CCDC60: variants seen among roughly 807,000 people sequenced by gnomAD.
The protein encoded by CCDC60 is coiled-coil domain-containing protein 60.
CCDC60 carries 54 observed loss-of-function variants against 63.5 expected under a neutral mutation model. The ratio of observed to expected loss-of-function variants is 0.85; its 90% CI spans 0.68 to 1.07. CCDC60 has a LOEUF of 1.07. Among genes scored for constraint, CCDC60 ranks in the 50% least tolerant of loss-of-function variants. CCDC60 has a pLI of 0.00. For missense variants in CCDC60, 651 were observed against 684.3 expected (o/e 0.95, Z 0.54); for synonymous variants, 206 against 238.8 (o/e 0.86, Z 1.27).
intron 11 of CCDC60, among the ~76,000 whole-genome samples, chr12:119,525,615 C>T (rs1353610799): frequency 1.3e-5 from 2 of 152,158 alleles, no homozygotes; most frequent in East Asian, 1.9e-4. Context: ...TTAATCACCA[C>T]CAAACTTGCC....
At chr12:119,348,355 C>G (rs547974397) in intron 1 of CCDC60, among the ~76,000 whole-genome samples, 2 of 152,274 alleles carry the variant, frequency 1.3e-5, no homozygotes, top group South Asian at 4.2e-4. Flanking sequence ...TCACTTCCTG[C>G]CCCAACCAAC....
At chr12:119,339,059 A>T (rs1455331366) in intron 1 of CCDC60, among the ~76,000 whole-genome samples, 2 of 152,152 alleles carry the variant, frequency 1.3e-5, no homozygotes, top group Non-Finnish European at 1.5e-5. Flanking sequence ...TCTGTTTGAA[A>T]GTCTTTTGTT....
intron 1 of CCDC60, among the ~76,000 whole-genome samples, chr12:119,352,064 A>G (rs548679057): frequency 6.6e-6 from 1 of 152,334 alleles, no homozygotes; most frequent in African/African-American, 2.4e-5. Flanking sequence ...GCCTCAGGAA[A>G]CTTACAATCA....
intron 2 of CCDC60, among the ~76,000 whole-genome samples, chr12:119,468,247 G>A (rs1593130926): frequency 1.3e-5 from 2 of 152,036 alleles, no homozygotes; most frequent in South Asian, 2.1e-4. Flanking sequence ...AGCCGAGATC[G>A]CACCACTACA....
At chr12:119,348,595 C>A (rs1044066051) in intron 1 of CCDC60, among the ~76,000 whole-genome samples, 1 of 152,162 alleles carries the variant, frequency 6.6e-6, no homozygotes, top group African/African-American at 2.4e-5. Context: ...AAAGCTCTCA[C>A]CTGTAATAGA....
intron 1 of CCDC60, among the ~76,000 whole-genome samples, chr12:119,416,816 G>A (rs1430302304): frequency 6.6e-6 from 1 of 152,092 alleles, no homozygotes; most frequent in Non-Finnish European, 1.5e-5. Context: ...GATTTAGAAT[G>A]GAGTCTTTAT....
intron 3 of CCDC60, among the ~76,000 whole-genome samples, chr12:119,476,560 GCAT>G (rs1173287816): frequency 6.6e-6 from 1 of 152,112 alleles, no homozygotes; most frequent in Non-Finnish European, 1.5e-5. Flanking sequence ...GTGTGTCCCA[GCAT>G]CATCTCCACT....
intron 5 of CCDC60, among the ~76,000 whole-genome samples, chr12:119,493,661 A>C (rs1225251686): frequency 2.0e-5 from 3 of 152,236 alleles, no homozygotes; most frequent in Non-Finnish European, 4.4e-5. Flanking sequence ...TGACAAGATG[A>C]TCGGGTCCAC....
At chr12:119,430,858 G>A (rs373170579) in intron 2 of CCDC60, among the ~76,000 whole-genome samples, 6 of 152,082 alleles carry the variant, frequency 3.9e-5, no homozygotes, top group East Asian at 3.9e-4. Context: ...CTGTTAGGGC[G>A]GCTCCAGCAG....
intron 2 of CCDC60, among the ~76,000 whole-genome samples, chr12:119,466,444 G>T (rs1950955220): frequency 6.6e-6 from 1 of 152,144 alleles, no homozygotes; most frequent in African/African-American, 2.4e-5. Context: ...AGTTATTTAG[G>T]CAAACACACA....
intron 1 of CCDC60, among the ~76,000 whole-genome samples, chr12:119,352,045 G>A (rs987585640): frequency 6.6e-6 from 1 of 152,172 alleles, no homozygotes; most frequent in Non-Finnish European, 1.5e-5. Context: ...AGGAAGCACA[G>A]TTGGGGAGGC....
At chr12:119,501,238 A>C (rs1409568991) in intron 6 of CCDC60, among the ~76,000 whole-genome samples, 1 of 152,224 alleles carries the variant, frequency 6.6e-6, no homozygotes, top group Non-Finnish European at 1.5e-5. Flanking sequence ...GGTTATGTAA[A>C]TTTTAGAGGC....
intron 1 of CCDC60, among the ~76,000 whole-genome samples, chr12:119,361,001 C>T (rs7295944): frequency 0.22 from 32,995 of 151,744 alleles, 4,437 homozygotes; most frequent in Middle Eastern, 0.34. Context: ...TCAGGCGTGG[C>T]GGCGTGCGCC....
At chr12:119,431,527 G>A (rs769530614) in intron 2 of CCDC60, among the ~76,000 whole-genome samples, 7 of 152,206 alleles carry the variant, frequency 4.6e-5, no homozygotes, top group Non-Finnish European at 1.0e-4. Flanking sequence ...GCAGTCTCCA[G>A]CTGCATGACT....
At chr12:119,468,225 G>A (rs758489529) in intron 2 of CCDC60, among the ~76,000 whole-genome samples, 45 of 152,128 alleles carry the variant, frequency 3.0e-4, no homozygotes, top group Non-Finnish European at 5.7e-4. Context: ...CCAAGAGGTG[G>A]GGGTTGCAGT....
At chr12:119,376,183 C>T (rs1429759618) in intron 1 of CCDC60, among the ~76,000 whole-genome samples, 2 of 152,170 alleles carry the variant, frequency 1.3e-5, no homozygotes, top group Non-Finnish European at 2.9e-5. Context: ...GAAGCTTAGC[C>T]CACTCAATTG....
At chr12:119,393,021 A>G (rs1055873077) in intron 1 of CCDC60, among the ~76,000 whole-genome samples, 1 of 152,168 alleles carries the variant, frequency 6.6e-6, no homozygotes, top group African/African-American at 2.4e-5. Context: ...AATATCAGAC[A>G]GTCATGGTGG....
At chr12:119,427,021 C>G (rs1230280151) in intron 1 of CCDC60, among the ~76,000 whole-genome samples, 1 of 152,184 alleles carries the variant, frequency 6.6e-6, no homozygotes, top group Non-Finnish European at 1.5e-5. Context: ...TAGTGAGCAG[C>G]CAACCTGTTC....
chr12:119,353,613 T>C (rs1469779928), intron 1 of CCDC60, among the ~76,000 whole-genome samples: 6 of 132,992 alleles, frequency 4.5e-5, no homozygotes, highest in African/African-American at 1.4e-4. Flanking sequence ...TTTTTTTTTT[T>C]TTTTTTTTTT....
Sources: gnomAD v4.1 joint callset for allele counts (sites outside exome capture counted in the v4.1 genomes callset) on GRCh38, gnomAD v4.1.1 for gene constraint, MANE v1.5 for transcripts, NCBI Gene and HGNC (gene_info 2026-07-23, HGNC 2026-07-21) for gene names.